The following TBC1D16 variants were observed in gnomAD, a reference collection of about 807,000 sequenced individuals.
TBC1D16 encodes CTD-2529O21.1.
In TBC1D16, 58 loss-of-function variants were observed where a neutral mutation model predicts 74.7. The observed-to-expected ratio is 0.78, with a 90% confidence interval of 0.63 to 0.97. TBC1D16 has a LOEUF of 0.97. TBC1D16 is among the 50% of genes least tolerant of loss of function. The pLI is 0.00. For synonymous variants in TBC1D16, 493 were observed against 474.7 expected, an observed-to-expected ratio of 1.04 and a Z score of -0.50; for missense variants, 1,014 against 1,079.5, an observed-to-expected ratio of 0.94 and a Z score of 0.85.
At chr17:79,970,280 G>C (rs376883137) in intron 3 of TBC1D16, among the ~76,000 whole-genome samples, 12 of 152,314 alleles carry the variant, frequency 7.9e-5, no homozygotes, top group African/African-American at 2.9e-4. Flanking sequence ...GGCTGGGGAA[G>C]GAAGGGCTGG....
chr17:79,944,846 G>A lies in TBC1D16; in HGVS notation c.1908+62C>T. Reference sequence around the variant, plus strand: ...GGCGGACAGGGGCAGCAGGCAGGGTGGCCACGGTGGTTCAGGGGCCATGGT... The same window carrying A: ...GGCGGACAGGGGCAGCAGGCAGGGTAGCCACGGTGGTTCAGGGGCCATGGT... On this transcript the variant is annotated intron_variant, in intron 10 of 11. Coordinates refer to ENST00000310924, the MANE Select transcript of TBC1D16 (RefSeq NM_019020.4). The surrounding 1 kb of genome is among the most constrained non-coding windows in gnomAD (Gnocchi z 7.7). 7.0e-7 allele frequency: 1 copy of A among 1,430,894 alleles called. No homozygotes were observed. The highest frequency in any genetic ancestry group is 9.4e-7 in the Non-Finnish European group (1 of 1,069,144). The allele number at this position is 1,430,894 out of a possible 1,614,324, so 88.6% of individuals were successfully genotyped here.
intron 1 of TBC1D16, among the ~76,000 whole-genome samples, chr17:80,023,439 C>T (rs1384623237): frequency 6.7e-6 from 1 of 150,074 alleles, no homozygotes; most frequent in Non-Finnish European, 1.5e-5. Context: ...TCCCCATGAG[C>T]CCAGGGCAAG....
chr17:80,030,733 G>A (rs998741475), intron 1 of TBC1D16, among the ~76,000 whole-genome samples: 3 of 152,202 alleles, frequency 2.0e-5, no homozygotes, highest in African/African-American at 4.8e-5. Context: ...CCAGAGGGAC[G>A]CAGCCCATGC....
In TBC1D16 at chr17:79,952,651, T is replaced by A; in HGVS notation, c.941+6A>T. The A allele has an allele frequency of 1.3e-6, 2 of 1,590,532 alleles. No homozygotes were observed. The highest frequency in any genetic ancestry group is 1.7e-6 in the Non-Finnish European group (2 of 1,163,178). ...CTCCCAGGAGGCGCCCAGAGATGCT[T>A]CCTACCTGAAGAAAAGGCGGAGGGA... On this transcript the variant is annotated splice_donor_region_variant and intron_variant, in intron 4 of 11. Transcript: ENST00000310924.
rs2035149647 is a variant in TBC1D16, at chr17:79,993,440, G to A, written c.779+16720C>T. On this transcript the variant is annotated intron_variant, in intron 3 of 11. Coordinates refer to ENST00000310924, the MANE Select transcript of TBC1D16 (RefSeq NM_019020.4). The surrounding 1 kb of genome is among the most constrained non-coding windows in gnomAD (Gnocchi z 5.1). ...GGGCACCAGGAGCCCTGTGTCCTCT[G>A]CCTTGCAGGTGTTTAGGGAACATTG... 1.3e-5 allele frequency among the ~76,000 whole-genome samples: 2 copies of A among 151,998 alleles called. No individual in the cohort carries two copies. The highest frequency in any genetic ancestry group is 4.2e-4 in the South Asian group (2 of 4,818).
intron 3 of TBC1D16, among the ~76,000 whole-genome samples, chr17:79,962,256 C>G (rs1245855060): frequency 7.7e-6 from 1 of 129,866 alleles, no homozygotes; most frequent in East Asian, 2.4e-4. Context: ...ACTCTGTTGG[C>G]CAGGCTACAG....
rs541912426 is a variant in TBC1D16 at position 79,941,228 on chromosome 17, C to T, written c.2056-121G>A. On this transcript the variant is annotated intron_variant, in intron 11 of 11. Coordinates refer to ENST00000310924, the MANE Select transcript of TBC1D16 (RefSeq NM_019020.4). This position sits in a 1 kb window ranked among gnomAD's most constrained non-coding sequence, Gnocchi z 4.3. The stretch of plus-strand genomic sequence containing the variant: ...AACGGCCTGCACCTCGGGGGCTCAC[C>T]GAGTCCTGGACTGAGGGCTCTGCCT... 213 of 997,058 alleles carry T rather than the reference C, an allele frequency of 2.1e-4. 2 individuals carry two copies. In the South Asian group the frequency reaches 2.9e-3, roughly 14 times the overall value. The allele number at this position is 997,058 out of a possible 1,614,324, so 61.8% of individuals were successfully genotyped here. A position where few individuals can be genotyped will look rare whatever the true frequency, so the allele number is the denominator to read the frequency against.
chr17:80,023,687 GGGTGGCCCTGCTCCTC>G (rs2036374745), intron 1 of TBC1D16, among the ~76,000 whole-genome samples: 1 of 149,168 alleles, frequency 6.7e-6, no homozygotes, highest in Non-Finnish European at 1.5e-5. Context: ...GGCGTGGCTG[GGGTGGCCCTGCTCCTC>G]GGTGGCCCGC....
chr17:79,951,837 A>G, intron 4 of TBC1D16: 1 of 408,976 alleles, frequency 2.4e-6, no homozygotes, highest in East Asian at 4.2e-5. Flanking sequence ...CTCTCTGGAG[A>G]CCTGCCAGAG....
chr17:79,944,812 G>C lies in TBC1D16; in HGVS notation c.1908+96C>G, dbSNP rs1264042990. On this transcript the variant is annotated intron_variant, in intron 10 of 11. Coordinates refer to ENST00000310924, the MANE Select transcript of TBC1D16 (RefSeq NM_019020.4). This position sits in a 1 kb window ranked among gnomAD's most constrained non-coding sequence, Gnocchi z 7.7. Reference sequence around the variant, plus strand: ...GGGCTAATGTGTGGCTGTGGGTGGGGGGCGGCGAGGCGGACAGGGGCAGCA... The same window carrying C: ...GGGCTAATGTGTGGCTGTGGGTGGGCGGCGGCGAGGCGGACAGGGGCAGCA... The C allele has an allele frequency of 2.6e-6, 3 of 1,159,690 alleles. No homozygotes were observed. In the African/African-American group the frequency reaches 4.7e-5, roughly 18 times the overall value. The allele number at this position is 1,159,690 out of a possible 1,614,324, so 71.8% of individuals were successfully genotyped here. A position where few individuals can be genotyped will look rare whatever the true frequency, so the allele number is the denominator to read the frequency against.
chr17:80,010,013 TGCCACAGCCACG>T lies in TBC1D16; in HGVS notation c.779+135_779+146del, dbSNP rs1371521640. 2.9e-6 allele frequency: 2 copies of T among 688,004 alleles called. No homozygotes were observed. The highest frequency in any genetic ancestry group is 1.9e-5 in the South Asian group (1 of 51,664). 42.6% of individuals were successfully genotyped at this position (688,004 alleles called of 1,614,324 possible). A position where few individuals can be genotyped will look rare whatever the true frequency, so the allele number is the denominator to read the frequency against. ...AGCCCTTGCCTCAGGGAGGGGCTCC[TGCCACAGCCACG>T]GCCACAGCCGCGGGCAGGTCGGGCA... On this transcript the variant is annotated intron_variant, in intron 3 of 11. Transcript: ENST00000310924. The surrounding 1 kb of genome is among the most constrained non-coding windows in gnomAD (Gnocchi z 8.8).
intron 3 of TBC1D16, among the ~76,000 whole-genome samples, chr17:80,004,642 G>A (rs1349761162): frequency 1.3e-5 from 2 of 152,278 alleles, no homozygotes; most frequent in African/African-American, 4.8e-5. Flanking sequence ...GGAATACCAC[G>A]ATGAACATCT....
Position 79,981,116 on chromosome 17 carries a change from C to A in TBC1D16, c.780-28298G>T, listed in dbSNP as rs1027549510. On this transcript the variant is annotated intron_variant, in intron 3 of 11. Coordinates refer to ENST00000310924, the MANE Select transcript of TBC1D16 (RefSeq NM_019020.4). This position sits in a 1 kb window ranked among gnomAD's most constrained non-coding sequence, Gnocchi z 6.9. ...AAGCTGAATTCTGTATCTAGCCCCTCGTGGCAGCAGTGACGGAAGGACAGA... is the reference window on the plus strand; with the variant it reads ...AAGCTGAATTCTGTATCTAGCCCCTAGTGGCAGCAGTGACGGAAGGACAGA... Among the ~76,000 whole-genome samples, 7 of 152,232 alleles carry A rather than the reference C, an allele frequency of 4.6e-5. No individual in the cohort carries two copies. The highest frequency in any genetic ancestry group is 1.0e-4 in the Non-Finnish European group (7 of 68,030).
At chr17:79,973,448 G>A (rs1269443445) in intron 3 of TBC1D16, among the ~76,000 whole-genome samples, 5 of 152,082 alleles carry the variant, frequency 3.3e-5, no homozygotes, top group Admixed American at 1.3e-4. Context: ...AGTGGCTTAC[G>A]CCTGTAATCC....
At chr17:79,947,534 AC>A in intron 9 of TBC1D16, 110 bp downstream of exon 9, 2 of 1,237,802 alleles carry the variant, frequency 1.6e-6, no homozygotes, top group East Asian at 4.8e-5. Context: ...CCCACTGCCC[AC>A]TGACCTACAG....
At chr17:80,018,912 CT>C (rs1416700599) in intron 1 of TBC1D16, among the ~76,000 whole-genome samples, 2 of 150,158 alleles carry the variant, frequency 1.3e-5, no homozygotes, top group Non-Finnish European at 2.9e-5. Context: ...ATTTTATGTC[CT>C]TAAAGTCTCC....
chr17:79,989,912 C>G (rs991655017), intron 3 of TBC1D16, among the ~76,000 whole-genome samples: 2 of 152,148 alleles, frequency 1.3e-5, no homozygotes, highest in African/African-American at 4.8e-5. Context: ...GAGGGGTCCC[C>G]ACCCTCCTGG....
rs1001690690 is a variant in TBC1D16, at chr17:79,979,269, C to T, written c.780-26451G>A. Among the ~76,000 whole-genome samples the T allele has an allele frequency of 2.6e-5, 4 of 151,486 alleles. No individual in the cohort carries two copies. The highest frequency in any genetic ancestry group is 5.9e-5 in the Non-Finnish European group (4 of 67,842). ...CACACGCTCCGGGGATGCACACCCA[C>T]GCCCAGAGCACACGCGCTCCGGGGA... On this transcript the variant is annotated intron_variant, in intron 3 of 11. Coordinates refer to ENST00000310924, the MANE Select transcript of TBC1D16 (RefSeq NM_019020.4). The surrounding 1 kb of genome is among the most constrained non-coding windows in gnomAD (Gnocchi z 4.8).
At chr17:80,003,402 G>A (rs938311598) in intron 3 of TBC1D16, among the ~76,000 whole-genome samples, 2 of 152,208 alleles carry the variant, frequency 1.3e-5, no homozygotes, top group Non-Finnish European at 2.9e-5. Context: ...CACTTCCCCA[G>A]GGGGAGGCCC....
Sources: allele counts gnomAD v4.1 joint callset (sites outside exome capture counted in the v4.1 genomes callset), GRCh38; gene constraint gnomAD v4.1.1; non-coding constraint Gnocchi (gnomAD v3.1); transcripts MANE v1.5; gene names NCBI Gene and HGNC (gene_info 2026-07-23, HGNC 2026-07-21).